Variants in EXD3 observed in about 807,000 individuals in gnomAD.
EXD3 encodes exonuclease 3'-5' domain containing 3.
EXD3 carries 92 observed loss-of-function variants against 98.0 expected under a neutral mutation model. That is an observed-to-expected ratio of 0.94 (90% CI 0.79 to 1.12). The LOEUF is 1.12. Ranked by LOEUF, EXD3 falls within the 50% of genes most tolerant of loss-of-function variation. The probability of loss-of-function intolerance (pLI) is 0.00; values close to 1 mark genes in which losing one functional copy is unlikely to be tolerated. For missense variants in EXD3, 1,222 were observed against 1,191.6 expected (o/e 1.03, Z -0.38); for synonymous variants, 569 against 526.0 (o/e 1.08, Z -1.12).
intron 12 of EXD3, 124 bp from the exon 13 acceptor site, chr9:137,351,652 T>G: frequency 1.1e-6 from 1 of 871,790 alleles, no homozygotes; most frequent in South Asian, 1.7e-5. Context: ...CACCCCTGCA[T>G]GTTTATAGGG....
intron 17 of EXD3, among the ~76,000 whole-genome samples, chr9:137,329,933 C>T (rs1832897428): frequency 9.6e-6 from 1 of 104,190 alleles, no homozygotes; most frequent in South Asian, 3.2e-4. Flanking sequence ...CACAGGACTA[C>T]ACAGGACTAT....
Position 137,423,156 on chromosome 9 carries a change from G to A in EXD3, c.-90C>T, listed in dbSNP as rs1008859338. The A allele has an allele frequency of 6.6e-6, 1 of 151,596 alleles. No homozygotes were observed. The highest frequency in any genetic ancestry group is 1.5e-5 in the Non-Finnish European group (1 of 67,930). 9.4% of individuals were successfully genotyped at this position (151,596 alleles called of 1,614,324 possible). A position where few individuals can be genotyped will look rare whatever the true frequency, so the allele number is the denominator to read the frequency against. Reference sequence around the variant, plus strand: ...CCCCACACCGTCCACGCCCGGCGCGGAACCTTGGCCCGACCGCAGCCGCTG... The same window carrying A: ...CCCCACACCGTCCACGCCCGGCGCGAAACCTTGGCCCGACCGCAGCCGCTG... On this transcript the variant is annotated 5_prime_UTR_variant, in exon 1 of 22. Coordinates refer to ENST00000340951, the MANE Select transcript of EXD3 (RefSeq NM_017820.5).
rs899174846 is a variant in EXD3, at chr9:137,324,580, G to A, written c.1999-437C>T. ...CGATGCTCTGGGTGACAGTGTCGAC[G>A]TGGCTCTTCCCAAAGCTTTGTATGA... On this transcript the variant is annotated intron_variant, in intron 17 of 21. Coordinates refer to ENST00000340951, the MANE Select transcript of EXD3 (RefSeq NM_017820.5). The surrounding 1 kb of genome is among the most constrained non-coding windows in gnomAD (Gnocchi z 4.1). Among the ~76,000 whole-genome samples the A allele has an allele frequency of 2.6e-5, 4 of 152,168 alleles. No homozygotes were observed. Among genetic ancestry groups the A allele is most frequent in the Non-Finnish European group, 5.9e-5 (4 of 68,040 alleles).
chr9:137,409,507 A>G (rs1298154142), intron 1 of EXD3, among the ~76,000 whole-genome samples: 1 of 152,010 alleles, frequency 6.6e-6, no homozygotes, highest in Non-Finnish European at 1.5e-5. Context: ...GCTTGAGTCC[A>G]GGAGTTTGAG....
At chr9:137,312,462 G>A (rs1831416016) in intron 19 of EXD3, among the ~76,000 whole-genome samples, 1 of 152,212 alleles carries the variant, frequency 6.6e-6, no homozygotes, top group Non-Finnish European at 1.5e-5. Flanking sequence ...GTGCGGGCTG[G>A]GCCACGAGCC....
intron 1 of EXD3, among the ~76,000 whole-genome samples, chr9:137,412,067 G>T (rs1011885706): frequency 6.6e-6 from 1 of 152,194 alleles, no homozygotes; most frequent in Non-Finnish European, 1.5e-5. Flanking sequence ...CACAGAGCCG[G>T]CCTTACTGCC....
chr9:137,348,432 G>T (rs953208885), intron 16 of EXD3, among the ~76,000 whole-genome samples, 194 bp from the exon 17 acceptor site: 1 of 148,306 alleles, frequency 6.7e-6, no homozygotes, highest in Non-Finnish European at 1.5e-5. Flanking sequence ...GGGGGCTCTA[G>T]TGCTCATGCT....
Position 137,395,152 on chromosome 9 carries a change from G to C in EXD3, c.55+151C>G. On this transcript the variant is annotated intron_variant, in intron 2 of 21. Transcript: ENST00000340951. The surrounding 1 kb of genome is among the most constrained non-coding windows in gnomAD (Gnocchi z 6.5). ...GGCCTCCGGACTCACAAGGTCCCAA[G>C]CCGTGGACACTGTAGAGAGGCCCGC... 1.4e-6 allele frequency: 1 copy of C among 710,692 alleles called. No individual in the cohort carries two copies. The highest frequency in any genetic ancestry group is 2.2e-5 in the Admixed American group (1 of 44,544). 44.0% of individuals were successfully genotyped at this position (710,692 alleles called of 1,614,324 possible).
At chr9:137,354,883 C>A (rs923288365) in intron 8 of EXD3, 110 bp from the exon 9 acceptor site, 3 of 1,077,898 alleles carry the variant, frequency 2.8e-6, no homozygotes, top group African/African-American at 3.2e-5. Context: ...CCTTCACCGT[C>A]CTCCACCTCT....
At position 137,403,055 on chromosome 9, in the gene EXD3, G is replaced by C. The variant is rs1362880355; in HGVS notation, c.-47-7651C>G. Among the ~76,000 whole-genome samples the C allele has an allele frequency of 6.6e-6, 1 of 152,156 alleles. No individual in the cohort carries two copies. The highest frequency in any genetic ancestry group is 1.5e-5 in the Non-Finnish European group (1 of 68,032). ...TTCTGGGAGATACAATTCAAGTTGA[G>C]ATGTGGGTGAGGACACAGCCAAAGC... On this transcript the variant is annotated intron_variant, in intron 1 of 21. Coordinates refer to ENST00000340951, the MANE Select transcript of EXD3 (RefSeq NM_017820.5). The surrounding 1 kb of genome is among the most constrained non-coding windows in gnomAD (Gnocchi z 6.1).
chr9:137,349,626 G>A lies in EXD3; in HGVS notation c.1495-95C>T, dbSNP rs1834147013. 1.5e-6 allele frequency: 2 copies of A among 1,316,448 alleles called. No homozygotes were observed. The highest frequency in any genetic ancestry group is 2.8e-4 in the Middle Eastern group (1 of 3,616). The allele number at this position is 1,316,448 out of a possible 1,614,324, so 81.5% of individuals were successfully genotyped here. A position where few individuals can be genotyped will look rare whatever the true frequency, so the allele number is the denominator to read the frequency against. On this transcript the variant is annotated intron_variant, in intron 14 of 21. Transcript: ENST00000340951. The surrounding 1 kb of genome is among the most constrained non-coding windows in gnomAD (Gnocchi z 7.4). ...CACCAGCCCTGCGGGGGCTCTGGAG[G>A]AGGCCCCGCCCCCTCCACCAGCGGC... is the stretch of plus-strand genomic sequence containing the variant.
intron 17 of EXD3, among the ~76,000 whole-genome samples, chr9:137,340,837 A>G (rs528895516): frequency 3.3e-5 from 5 of 152,130 alleles, no homozygotes; most frequent in Non-Finnish European, 7.4e-5. Flanking sequence ...TAAATATGTC[A>G]TTTTTCCCTA....
chr9:137,380,019 G>A (rs757600327), intron 3 of EXD3, among the ~76,000 whole-genome samples: 4 of 151,930 alleles, frequency 2.6e-5, no homozygotes, highest in East Asian at 1.9e-4. Context: ...GGAGACTTCA[G>A]TCCTGGCCCA....
chr9:137,373,163 G>A lies in EXD3; in HGVS notation c.295-91C>T, dbSNP rs374070947. 4.7e-5 allele frequency: 67 copies of A among 1,416,530 alleles called. No homozygotes were observed. In the African/African-American group the frequency reaches 5.8e-4, roughly 12 times the overall value. 87.7% of individuals were successfully genotyped at this position (1,416,530 alleles called of 1,614,324 possible). Reference sequence around the variant, plus strand: ...AGGCAGGCCTGGCTTAGGAAGCAGCGCCTGCCACTGTGGCCATGTGTGGGC... The same window carrying A: ...AGGCAGGCCTGGCTTAGGAAGCAGCACCTGCCACTGTGGCCATGTGTGGGC... On this transcript the variant is annotated intron_variant, in intron 4 of 21. Transcript: ENST00000340951.
intron 19 of EXD3, among the ~76,000 whole-genome samples, chr9:137,321,250 C>A (rs191551711): frequency 6.6e-6 from 1 of 152,218 alleles, no homozygotes; most frequent in Non-Finnish European, 1.5e-5. Context: ...TTCTGCTCAG[C>A]CAGGTGGGTG....
At chr9:137,326,958 G>A (rs1030072391) in intron 17 of EXD3, among the ~76,000 whole-genome samples, 7 of 151,988 alleles carry the variant, frequency 4.6e-5, no homozygotes, top group East Asian at 1.9e-4. Flanking sequence ...CACAGGCTAC[G>A]TCGTGAATAA....
At chr9:137,353,798 A>G in intron 10 of EXD3, 1 of 986,026 alleles carries the variant, frequency 1.0e-6, no homozygotes, top group African/African-American at 1.7e-5. Flanking sequence ...GAGCTCCTGC[A>G]CGACCTCCCA....
At chr9:137,366,199 CAGT>C (rs1835244462) in intron 7 of EXD3, 1 of 702,332 alleles carries the variant, frequency 1.4e-6, no homozygotes, top group Non-Finnish European at 2.6e-6. Context: ...AACAAGAAAG[CAGT>C]ACGGTTGCCA....
At chr9:137,394,204 C>T (rs182439986) in intron 2 of EXD3, among the ~76,000 whole-genome samples, 4 of 63,378 alleles carry the variant, frequency 6.3e-5, no homozygotes, top group African/African-American at 1.4e-4. Context: ...CCAGCCTCCG[C>T]TTCCCTAACC....
Sources: gnomAD v4.1 joint callset for allele counts (sites outside exome capture counted in the v4.1 genomes callset) on GRCh38, gnomAD v4.1.1 for gene constraint, Gnocchi (gnomAD v3.1) non-coding constraint, MANE v1.5 for transcripts, NCBI Gene and HGNC (gene_info 2026-07-23, HGNC 2026-07-21) for gene names.